CXCR5: variants seen among roughly 807,000 people sequenced by gnomAD.
CXCR5 encodes C-X-C motif chemokine receptor 5.
Under a neutral mutation model 5.6 loss-of-function variants are expected in CXCR5, and 3 were observed. The ratio of observed to expected loss-of-function variants is 0.54; its 90% CI spans 0.24 to 1.39. The LOEUF is 1.39. Among genes scored for constraint, CXCR5 ranks in the 40% most tolerant of loss-of-function variants. The pLI is 0.16. For missense variants in CXCR5, 333 were observed against 494.6 expected (o/e 0.67, Z 3.10); for synonymous variants, 218 against 219.9 (o/e 0.99, Z 0.08).
intron 1 of CXCR5, among the ~76,000 whole-genome samples, chr11:118,891,125 C>T (rs1939801886): frequency 6.6e-6 from 1 of 152,168 alleles, no homozygotes. Context: ...TCCATGGAAT[C>T]CTACTGCATG....
At position 118,895,585 on chromosome 11, in the gene CXCR5, G is replaced by T. The variant is rs1939895666; in HGVS notation, c.*922G>T. The T allele has an allele frequency of 6.0e-6, 1 of 167,148 alleles. No homozygotes were observed. Among genetic ancestry groups the T allele is most frequent in the African/African-American group, 2.4e-5 (1 of 41,454 alleles). 10.4% of individuals were successfully genotyped at this position (167,148 alleles called of 1,614,324 possible). A position where few individuals can be genotyped will look rare whatever the true frequency, so the allele number is the denominator to read the frequency against. On this transcript the variant is annotated 3_prime_UTR_variant, in exon 2 of 2. Coordinates refer to ENST00000292174, the MANE Select transcript of CXCR5 (RefSeq NM_001716.5). This position sits in a 1 kb window ranked among gnomAD's most constrained non-coding sequence, Gnocchi z 4.2. Reference sequence around the variant, plus strand: ...GATGGGAGGTTGTGGGCATTGATGGGGAAGGAGGCTGGCTTGTCCCCTCCT... The same window carrying T: ...GATGGGAGGTTGTGGGCATTGATGGTGAAGGAGGCTGGCTTGTCCCCTCCT...
At chr11:118,884,669 C>G (rs1368351426) in intron 1 of CXCR5, among the ~76,000 whole-genome samples, 1 of 152,158 alleles carries the variant, frequency 6.6e-6, no homozygotes, top group Non-Finnish European at 1.5e-5. Context: ...GTCTTGGAAC[C>G]TGTTGTAGAA....
intron 1 of CXCR5, among the ~76,000 whole-genome samples, chr11:118,889,614 GGC>G (rs1939777624): frequency 6.6e-6 from 1 of 152,112 alleles, no homozygotes; most frequent in Admixed American, 6.5e-5. Flanking sequence ...TGTGGGAAGT[GGC>G]TTTAACATGT....
At chr11:118,892,142 G>A (rs1939820436) in intron 1 of CXCR5, among the ~76,000 whole-genome samples, 1 of 152,178 alleles carries the variant, frequency 6.6e-6, no homozygotes, top group African/African-American at 2.4e-5. Flanking sequence ...AATGGCAGAG[G>A]GATGCTGCGG....
chr11:118,891,434 G>C (rs995820336), intron 1 of CXCR5, among the ~76,000 whole-genome samples: 1 of 152,062 alleles, frequency 6.6e-6, no homozygotes, highest in Non-Finnish European at 1.5e-5. Context: ...CAAATTCCCT[G>C]GCTCAAGTGA....
At chr11:118,884,820 ATGTG>A (rs986905355) in intron 1 of CXCR5, among the ~76,000 whole-genome samples, 1 of 151,814 alleles carries the variant, frequency 6.6e-6, no homozygotes, top group Non-Finnish European at 1.5e-5. Flanking sequence ...CTCCCAGAAG[ATGTG>A]TGTGTGTGTG....
intron 1 of CXCR5, among the ~76,000 whole-genome samples, chr11:118,885,619 G>A (rs1939699113): frequency 6.6e-6 from 1 of 152,212 alleles, no homozygotes; most frequent in Non-Finnish European, 1.5e-5. Context: ...CCCTGACCCA[G>A]TTGGACATCT....
intron 1 of CXCR5, 122 bp downstream of exon 1, chr11:118,884,114 C>A: frequency 1.0e-6 from 1 of 976,940 alleles, no homozygotes. Context: ...TCTGTAAAAT[C>A]TAGACAGGTC....
At position 118,886,343 on chromosome 11, in the gene CXCR5, G is replaced by T. The variant is rs1565604600; in HGVS notation, c.51+2351G>T. On this transcript the variant is annotated intron_variant, in intron 1 of 1. Coordinates refer to ENST00000292174, the MANE Select transcript of CXCR5 (RefSeq NM_001716.5). ...TGGGGCCTTTTGGTTACACAAACTT[G>T]CCAGAAAAAAAAAAAAAAAAGGAAC... The T allele has an allele frequency of 1.4e-5, 5 of 369,366 alleles. No individual in the cohort carries two copies. The East Asian group carries it at 2.7e-4, about 20-fold the overall frequency. The allele number at this position is 369,366 out of a possible 1,614,324, so 22.9% of individuals were successfully genotyped here.
At chr11:118,888,570 G>T (rs149815215) in intron 1 of CXCR5, among the ~76,000 whole-genome samples, 30 of 152,312 alleles carry the variant, frequency 2.0e-4, no homozygotes, top group Non-Finnish European at 4.3e-4. Context: ...CTAGATGAAG[G>T]TAACAGTGGC....
chr11:118,885,907 C>G (rs1242325982), intron 1 of CXCR5: 1 of 171,868 alleles, frequency 5.8e-6, no homozygotes, highest in Non-Finnish European at 1.3e-5. Flanking sequence ...CTAGGACCAT[C>G]TGGGCTCTGG....
chr11:118,885,139 C>A (rs1339227019), intron 1 of CXCR5, among the ~76,000 whole-genome samples: 3 of 152,146 alleles, frequency 2.0e-5, no homozygotes. Flanking sequence ...GCCCGCCTCT[C>A]GCTTGCCCAG....
At position 118,893,523 on chromosome 11, in the gene CXCR5, A is replaced by G; in HGVS notation, c.52-73A>G. ...CCCTATGTAGGAAAAAACCTCCAAG[A>G]GAGCTAGGGTTCCTCTCAGAGAGGA... is the stretch of plus-strand genomic sequence containing the variant. On this transcript the variant is annotated intron_variant, in intron 1 of 1. Coordinates refer to ENST00000292174, the MANE Select transcript of CXCR5 (RefSeq NM_001716.5). The surrounding 1 kb of genome is among the most constrained non-coding windows in gnomAD (Gnocchi z 5.7). 1 of 1,500,348 alleles carries G rather than the reference A, an allele frequency of 6.7e-7. No individual in the cohort carries two copies. The highest frequency in any genetic ancestry group is 1.4e-5 in the African/African-American group (1 of 71,582). The allele number at this position is 1,500,348 out of a possible 1,614,324, so 92.9% of individuals were successfully genotyped here.
rs781540268 is a variant in CXCR5, at chr11:118,893,734, C to T, written c.190C>T (p.Leu64=). 68 of 1,614,126 alleles carry T rather than the reference C, an allele frequency of 4.2e-5. No individual in the cohort carries two copies. Among genetic ancestry groups the T allele is most frequent in the Non-Finnish European group, 5.3e-5 (63 of 1,180,050 alleles). ...CGTGGCCTACAGCCTCATCTTCCTC[C>T]TGGGCGTGATCGGCAACGTCCTGGT... The part of the protein sequence containing the change: ...VPVAYSLIFL[L]GVIGNVLVLV... Residue 64 remains leucine, a synonymous_variant, in exon 2 of 2, where the codon CTG becomes TTG. Coordinates refer to ENST00000292174, the MANE Select transcript of CXCR5 (RefSeq NM_001716.5). This position sits in a 1 kb window ranked among gnomAD's most constrained non-coding sequence, Gnocchi z 5.7.
rs986515855 is a variant in CXCR5, at chr11:118,894,930, C to T, written c.*267C>T. ...GGCTGTCCTTACCCATCTGCACCCC[C>T]CTGGGCTGAGAGAACCTCACGCACC... On this transcript the variant is annotated 3_prime_UTR_variant, in exon 2 of 2. Transcript: ENST00000292174. The surrounding 1 kb of genome is among the most constrained non-coding windows in gnomAD (Gnocchi z 6.1). The T allele has an allele frequency of 9.9e-6, 4 of 402,112 alleles. No homozygotes were observed. Among genetic ancestry groups the T allele is most frequent in the Non-Finnish European group, 1.8e-5 (4 of 217,298 alleles). The allele number at this position is 402,112 out of a possible 1,614,324, so 24.9% of individuals were successfully genotyped here.
At position 118,896,208 on chromosome 11, in the gene CXCR5, C is replaced by T. The variant is rs970030862; in HGVS notation, c.*1545C>T. On this transcript the variant is annotated 3_prime_UTR_variant, in exon 2 of 2. Transcript: ENST00000292174. ...CAATACAGTACAGGCAGCACAGAGA[C>T]CCCCGGAACAAGCCTAAAAATTGTT... The T allele has an allele frequency of 4.2e-5, 7 of 166,750 alleles. No homozygotes were observed. The highest frequency in any genetic ancestry group is 1.7e-4 in the African/African-American group (7 of 41,384). 10.3% of individuals were successfully genotyped at this position (166,750 alleles called of 1,614,324 possible).
Position 118,887,191 on chromosome 11 carries a change from C to T in CXCR5, c.51+3199C>T, listed in dbSNP as rs115324919. On this transcript the variant is annotated intron_variant, in intron 1 of 1. Coordinates refer to ENST00000292174, the MANE Select transcript of CXCR5 (RefSeq NM_001716.5). ...CAGGAACTCTTGCTTTCCCCAGGGA[C>T]GCAGGCTGCAGCTGATCCCACTCCT... The T allele has an allele frequency of 1.4e-3, 1,384 of 962,998 alleles. 14 individuals are homozygous for T. The African/African-American group carries it at 0.023, about 16-fold the overall frequency. The allele number at this position is 962,998 out of a possible 1,614,324, so 59.7% of individuals were successfully genotyped here.
intron 1 of CXCR5, chr11:118,886,397 G>A (rs558810826): frequency 4.9e-5 from 21 of 427,502 alleles, no homozygotes; most frequent in Middle Eastern, 3.4e-4. Flanking sequence ...AGCCAGGTTC[G>A]TCATTCTGTA....
At chr11:118,886,131 A>G (rs1939706373) in intron 1 of CXCR5, 1 of 339,534 alleles carries the variant, frequency 2.9e-6, no homozygotes, top group African/African-American at 2.2e-5. Context: ...TGCATGTAGC[A>G]GCTTCTCAAT....
Sources: allele counts gnomAD v4.1 joint callset (sites outside exome capture counted in the v4.1 genomes callset), GRCh38; gene constraint gnomAD v4.1.1; non-coding constraint Gnocchi (gnomAD v3.1); transcripts MANE v1.5; gene names NCBI Gene and HGNC (gene_info 2026-07-23, HGNC 2026-07-21).